The following TRHR variants were observed in gnomAD, a reference collection of about 807,000 sequenced individuals.
TRHR encodes the protein thyrotropin releasing hormone receptor, also known as thyrotropin-releasing hormone receptor.
TRHR carries 14 observed loss-of-function variants against 28.0 expected under a neutral mutation model. The observed-to-expected ratio is 0.50, with a 90% CI of 0.33 to 0.78. TRHR has a LOEUF of 0.78. TRHR is among the 30% of genes least tolerant of loss of function. The pLI, the probability that TRHR is intolerant of heterozygous loss-of-function variation, is 0.02. For missense variants in TRHR, 438 were observed against 469.5 expected (o/e 0.93, Z 0.62); for synonymous variants, 176 against 171.9 (o/e 1.02, Z -0.18).
intron 2 of TRHR, among the ~76,000 whole-genome samples, chr8:109,116,951 C>T (rs1012229967): frequency 2.6e-5 from 4 of 152,030 alleles, no homozygotes; most frequent in Admixed American, 6.6e-5. Context: ...AGGAGAGATA[C>T]TAACCTTGAA....
intron 2 of TRHR, among the ~76,000 whole-genome samples, chr8:109,106,643 A>G (rs1172679869): frequency 1.3e-5 from 2 of 152,158 alleles, no homozygotes; most frequent in African/African-American, 2.4e-5. Context: ...GTTAGAGATA[A>G]AAATATGTAA....
intron 2 of TRHR, among the ~76,000 whole-genome samples, chr8:109,101,352 G>A (rs1161993609): frequency 6.6e-6 from 1 of 152,170 alleles, no homozygotes; most frequent in Non-Finnish European, 1.5e-5. Context: ...GAACCATGGA[G>A]AGAGAAAGTG....
At position 109,088,066 on chromosome 8, in the gene TRHR, G is replaced by A. The variant is rs777722173; in HGVS notation, c.554G>A (p.Arg185Lys). The change falls in exon 2 of 3, where the codon AGG becomes AAG. Residue 185 changes from arginine to lysine, a missense_variant. Coordinates refer to ENST00000518632, the MANE Select transcript of TRHR (RefSeq NM_003301.7). ...ATATCCTGTGGCTACAAGATCTCCA[G>A]GAATTACTACTCACCTATTTACCTA... is the stretch of plus-strand genomic sequence containing the variant. The part of the protein sequence containing the change: ...IVISCGYKIS[R>K]NYYSPIYLMD... The A allele has an allele frequency of 1.2e-6, 2 of 1,614,104 alleles. No individual in the cohort carries two copies. The highest frequency in any genetic ancestry group is 2.2e-5 in the South Asian group (2 of 91,078).
At chr8:109,107,069 T>A (rs1811761312) in intron 2 of TRHR, among the ~76,000 whole-genome samples, 1 of 152,152 alleles carries the variant, frequency 6.6e-6, no homozygotes, top group Non-Finnish European at 1.5e-5. Flanking sequence ...TGTCTCAGAA[T>A]CTGTTTTTCT....
chr8:109,120,477 G>C lies in TRHR; in HGVS notation c.*1022G>C, dbSNP rs1465101619. Among the ~76,000 whole-genome samples the C allele has an allele frequency of 6.6e-6, 1 of 151,598 alleles. No individual in the cohort carries two copies. Among genetic ancestry groups the C allele is most frequent in the Non-Finnish European group, 1.5e-5 (1 of 67,812 alleles). The stretch of plus-strand genomic sequence containing the variant: ...TCCTGGTATCCCTCTTCCAGATAAA[G>C]AGCTCCCACTGAGAATTGTAGTCTA... On this transcript the variant is annotated 3_prime_UTR_variant, in exon 3 of 3. Coordinates refer to ENST00000518632, the MANE Select transcript of TRHR (RefSeq NM_003301.7).
intron 2 of TRHR, among the ~76,000 whole-genome samples, chr8:109,108,597 A>G (rs1195496774): frequency 2.0e-5 from 3 of 152,210 alleles, no homozygotes; most frequent in African/African-American, 7.2e-5. Flanking sequence ...AAAGCAAGCT[A>G]TATTAGGGCA....
Position 109,087,853 on chromosome 8 carries a change from G to C in TRHR, c.341G>C (p.Cys114Ser), listed in dbSNP as rs768240152. 1 of 1,613,980 alleles carries C rather than the reference G, an allele frequency of 6.2e-7. No homozygotes were observed. The change falls in exon 2 of 3, where the codon TGT (cysteine) becomes TCT (serine). Residue 114 changes from cysteine (C) to serine (S), a missense_variant. Physicochemically the swap from Cys to Ser is moderately radical, Grantham distance 112. Coordinates refer to ENST00000518632, the MANE Select transcript of TRHR (RefSeq NM_003301.7). ...LQYLGINASSCSITAFTIERY... is the reference protein window; with the variant it reads ...LQYLGINASSSSITAFTIERY... ...TATTTGGGAATTAATGCATCCTCTT[G>C]TTCAATAACAGCCTTTACCATTGAG...
chr8:109,104,482 C>T (rs1482799624), intron 2 of TRHR, among the ~76,000 whole-genome samples: 1 of 152,036 alleles, frequency 6.6e-6, no homozygotes, highest in Non-Finnish European at 1.5e-5. Flanking sequence ...GTAGTGATTT[C>T]CTTGTATACT....
At position 109,119,113 on chromosome 8, in the gene TRHR, A is replaced by G. The variant is rs1209724512; in HGVS notation, c.855A>G (p.Leu285=). 6.2e-7 allele frequency: 1 copy of G among 1,612,826 alleles called. No individual in the cohort carries two copies. Among genetic ancestry groups the G allele is most frequent in the Non-Finnish European group, 8.5e-7 (1 of 1,179,234 alleles). The change falls in exon 3 of 3, where the codon CTA becomes CTG. Residue 285 remains leucine, a synonymous_variant. Coordinates refer to ENST00000518632, the MANE Select transcript of TRHR (RefSeq NM_003301.7). ...FALLWMPYRT[L]VVVNSFLSSP... is the part of the protein sequence containing the mutation. ...TTTTATGGATGCCCTACAGGACTCT[A>G]GTGGTTGTCAACTCATTTCTCTCCA...
intron 2 of TRHR, among the ~76,000 whole-genome samples, chr8:109,115,487 G>A (rs1012699885): frequency 3.3e-5 from 5 of 152,046 alleles, no homozygotes; most frequent in Non-Finnish European, 7.3e-5. Context: ...TTATTTCATT[G>A]AGCAGTGGTT....
intron 2 of TRHR, among the ~76,000 whole-genome samples, chr8:109,110,189 C>T (rs1204756149): frequency 2.6e-5 from 4 of 152,066 alleles, no homozygotes; most frequent in Admixed American, 2.6e-4. Context: ...CTTTTTTTCC[C>T]CATTTCACTG....
At position 109,105,111 on chromosome 8, in the gene TRHR, C is replaced by T. The variant is rs1306089739; in HGVS notation, c.790-13937C>T. ...GTTATATGTGCCAGGCATGGTGGTGCTAAGGGATTTTCACACATCATCTCA... is the reference window on the plus strand; with the variant it reads ...GTTATATGTGCCAGGCATGGTGGTGTTAAGGGATTTTCACACATCATCTCA... On this transcript the variant is annotated intron_variant, in intron 2 of 2. Coordinates refer to ENST00000518632, the MANE Select transcript of TRHR (RefSeq NM_003301.7). Among the ~76,000 whole-genome samples, 26 of 152,008 alleles carry T rather than the reference C, an allele frequency of 1.7e-4. 1 individual carries two copies. The highest frequency in any genetic ancestry group is 1.2e-3 in the Admixed American group (19 of 15,242).
In TRHR at chr8:109,087,879, A is replaced by C; in HGVS notation, c.367A>C (p.Arg123=). The C allele has an allele frequency of 6.2e-7, 1 of 1,614,186 alleles. No individual in the cohort carries two copies. Among genetic ancestry groups the C allele is most frequent in the Non-Finnish European group, 8.5e-7 (1 of 1,180,026 alleles). ...TTCAATAACAGCCTTTACCATTGAGAGGTACATAGCAATCTGTCACCCCAT... is the reference window on the plus strand; with the variant it reads ...TTCAATAACAGCCTTTACCATTGAGCGGTACATAGCAATCTGTCACCCCAT... The part of the protein sequence containing the change: ...SCSITAFTIE[R]YIAICHPIKA... The change falls in exon 2 of 3, where the codon AGG becomes CGG. Residue 123 remains arginine (R), a synonymous_variant. Transcript: ENST00000518632.
chr8:109,087,422 CA>C lies in TRHR; in HGVS notation c.-88-2del. On this transcript the variant is annotated splice_acceptor_variant, in intron 1 of 2. Transcript: ENST00000518632. LOFTEE classifies it low-confidence loss of function (5UTR_SPLICE). ...AATGAATATGTACTATGACCCTTCACAGGGGGATGGAACTGCTGCAATAAAG... is the reference window on the plus strand; with the variant it reads ...AATGAATATGTACTATGACCCTTCACGGGGGATGGAACTGCTGCAATAAAG... The C allele has an allele frequency of 7.2e-7, 1 of 1,387,230 alleles. No homozygotes were observed. Among genetic ancestry groups the C allele is most frequent in the Non-Finnish European group, 1.0e-6 (1 of 989,290 alleles). 85.9% of individuals were successfully genotyped at this position (1,387,230 alleles called of 1,614,324 possible). A position where few individuals can be genotyped will look rare whatever the true frequency, so the allele number is the denominator to read the frequency against.
In TRHR at chr8:109,088,080, C is replaced by A; in HGVS notation, c.568C>A (p.Pro190Thr). The A allele has an allele frequency of 6.2e-7, 1 of 1,614,142 alleles. No homozygotes were observed. Among genetic ancestry groups the A allele is most frequent in the Non-Finnish European group, 8.5e-7 (1 of 1,180,034 alleles). ...GYKISRNYYS[P>T]IYLMDFGVFY... ...CAAGATCTCCAGGAATTACTACTCACCTATTTACCTAATGGACTTTGGTGT... is the reference window on the plus strand; with the variant it reads ...CAAGATCTCCAGGAATTACTACTCAACTATTTACCTAATGGACTTTGGTGT... Residue 190 changes from proline to threonine, a missense_variant, in exon 2 of 3, where the codon CCT (proline) becomes ACT (threonine). Pro to Thr is a conservative substitution (Grantham distance 38, BLOSUM62 -1). Transcript: ENST00000518632.
chr8:109,107,635 A>G (rs899117581), intron 2 of TRHR, among the ~76,000 whole-genome samples: 2 of 152,200 alleles, frequency 1.3e-5, no homozygotes, highest in African/African-American at 4.8e-5. Context: ...TTAATCAAGT[A>G]GTGAAGAAGC....
rs1395882340 is a variant in TRHR at position 109,087,847 on chromosome 8, C to T, written c.335C>T (p.Ser112Phe). ...TYLQYLGINASSCSITAFTIE... is the reference protein window; with the variant it reads ...TYLQYLGINAFSCSITAFTIE... ...CTCCAGTATTTGGGAATTAATGCAT[C>T]CTCTTGTTCAATAACAGCCTTTACC... The change falls in exon 2 of 3, where the codon TCC becomes TTC. Residue 112 changes from serine (S) to phenylalanine (F), a missense_variant. Coordinates refer to ENST00000518632, the MANE Select transcript of TRHR (RefSeq NM_003301.7). The T allele has an allele frequency of 1.9e-6, 3 of 1,614,054 alleles. No homozygotes were observed. The highest frequency in any genetic ancestry group is 2.7e-5 in the African/African-American group (2 of 74,912).
chr8:109,088,691 C>T (rs760862019), intron 2 of TRHR, among the ~76,000 whole-genome samples: 4 of 152,114 alleles, frequency 2.6e-5, no homozygotes, highest in Non-Finnish European at 4.4e-5. Flanking sequence ...AATTCTATTG[C>T]ACAACAAATA....
chr8:109,115,492 G>C (rs1402490117), intron 2 of TRHR, among the ~76,000 whole-genome samples: 1 of 152,118 alleles, frequency 6.6e-6, no homozygotes, highest in Non-Finnish European at 1.5e-5. Flanking sequence ...TCATTGAGCA[G>C]TGGTTTGTAG....
Sources: gnomAD v4.1 joint callset for allele counts (sites outside exome capture counted in the v4.1 genomes callset) on GRCh38, gnomAD v4.1.1 for gene constraint, MANE v1.5 for transcripts, NCBI Gene and HGNC (gene_info 2026-07-23, HGNC 2026-07-21) for gene names.